GRID2: variants seen among roughly 807,000 people sequenced by gnomAD.
GRID2 encodes glutamate ionotropic receptor delta type subunit 2.
A neutral mutation model predicts 114.8 loss-of-function variants in GRID2; 33 were observed. That is an observed-to-expected ratio of 0.29 (90% CI 0.22 to 0.38). GRID2 has a LOEUF of 0.38. GRID2 is among the 10% of genes least tolerant of loss of function. The probability of loss-of-function intolerance (pLI) is 1.00; values close to 1 mark genes in which losing one functional copy is unlikely to be tolerated. For missense variants in GRID2, 1,184 were observed against 1,257.7 expected (o/e 0.94, Z 0.89); for synonymous variants, 505 against 449.9 (o/e 1.12, Z -1.55).
intron 8 of GRID2, among the ~76,000 whole-genome samples, chr4:93,313,227 C>A (rs1190256965): frequency 6.6e-6 from 1 of 152,048 alleles, no homozygotes; most frequent in Non-Finnish European, 1.5e-5. Flanking sequence ...GATTTCAGAA[C>A]TATACAGCTT....
chr4:92,749,655 T>C (rs1233189650), intron 2 of GRID2, among the ~76,000 whole-genome samples: 1 of 152,146 alleles, frequency 6.6e-6, no homozygotes, highest in Non-Finnish European at 1.5e-5. Flanking sequence ...AGTTCTCTGC[T>C]GAAGCTGAGG....
At chr4:93,320,459 T>C (rs1164588640) in intron 8 of GRID2, among the ~76,000 whole-genome samples, 2 of 152,128 alleles carry the variant, frequency 1.3e-5, no homozygotes, top group Non-Finnish European at 2.9e-5. Flanking sequence ...TCAGAAAAAC[T>C]GAATCAGAAA....
chr4:92,631,330 G>A (rs1227236190), intron 2 of GRID2, among the ~76,000 whole-genome samples: 3 of 152,020 alleles, frequency 2.0e-5, no homozygotes, highest in African/African-American at 4.8e-5. Flanking sequence ...GCTTAGTGCT[G>A]GTTTACTGAG....
At chr4:93,441,736 T>G (rs1411065726) in intron 10 of GRID2, among the ~76,000 whole-genome samples, 1 of 152,016 alleles carries the variant, frequency 6.6e-6, no homozygotes, top group Non-Finnish European at 1.5e-5. Context: ...GACTTACTCT[T>G]GCCTGCCATT....
intron 1 of GRID2, among the ~76,000 whole-genome samples, chr4:92,445,288 T>C (rs1315312316): frequency 1.3e-5 from 2 of 152,194 alleles, no homozygotes; most frequent in African/African-American, 2.4e-5. Flanking sequence ...AATCACAATG[T>C]CGTGCTGCTA....
intron 9 of GRID2, among the ~76,000 whole-genome samples, chr4:93,404,506 A>G (rs1224792354): frequency 1.3e-5 from 2 of 152,120 alleles, no homozygotes; most frequent in Admixed American, 6.6e-5. Context: ...TTTAAACTCT[A>G]TGATTCTGTT....
At chr4:93,036,923 TTAAC>T (rs1724985067) in intron 2 of GRID2, among the ~76,000 whole-genome samples, 1 of 152,158 alleles carries the variant, frequency 6.6e-6, no homozygotes, top group Non-Finnish European at 1.5e-5. Flanking sequence ...AACCCTTCAA[TTAAC>T]TAAATATAAC....
At chr4:92,464,992 T>A (rs1489032959) in intron 1 of GRID2, among the ~76,000 whole-genome samples, 1 of 152,126 alleles carries the variant, frequency 6.6e-6, no homozygotes, top group Admixed American at 6.6e-5. Context: ...CTCTTCACTC[T>A]CTCTCTCTTG....
At chr4:93,712,021 T>C (rs1728528902) in intron 14 of GRID2, among the ~76,000 whole-genome samples, 1 of 152,166 alleles carries the variant, frequency 6.6e-6, no homozygotes, top group African/African-American at 2.4e-5. Flanking sequence ...TTGTTGTTGT[T>C]GTTTTAATAC....
chr4:92,604,977 C>A (rs938329885), intron 2 of GRID2, among the ~76,000 whole-genome samples: 2 of 152,080 alleles, frequency 1.3e-5, no homozygotes, highest in African/African-American at 2.4e-5. Flanking sequence ...TGAGTTCTCG[C>A]AAGATCTGAT....
intron 8 of GRID2, among the ~76,000 whole-genome samples, chr4:93,253,062 A>G (rs1033715387): frequency 1.3e-5 from 2 of 150,694 alleles, no homozygotes; most frequent in Non-Finnish European, 2.9e-5. Context: ...ATCCTGGCTA[A>G]CACGGTGAAA....
intron 2 of GRID2, among the ~76,000 whole-genome samples, chr4:92,682,916 T>A (rs1281713284): frequency 1.3e-5 from 2 of 152,120 alleles, no homozygotes; most frequent in Non-Finnish European, 2.9e-5. Context: ...TGTGGCATCT[T>A]ATGCTTGTAG....
At chr4:93,721,049 A>G (rs1319491188) in intron 14 of GRID2, among the ~76,000 whole-genome samples, 1 of 152,130 alleles carries the variant, frequency 6.6e-6, no homozygotes, top group Non-Finnish European at 1.5e-5. Flanking sequence ...AAAAATTCAG[A>G]TCATTCTAAT....
At chr4:93,106,921 G>T (rs1732292445) in intron 3 of GRID2, among the ~76,000 whole-genome samples, 1 of 152,138 alleles carries the variant, frequency 6.6e-6, no homozygotes, top group Non-Finnish European at 1.5e-5. Context: ...ATTACAATAT[G>T]TTAGACCCTA....
chr4:92,412,636 T>C (rs986560601), intron 1 of GRID2, among the ~76,000 whole-genome samples: 1 of 152,118 alleles, frequency 6.6e-6, no homozygotes, highest in Admixed American at 6.5e-5. Context: ...TTCATTACAC[T>C]CAAATTTCAT....
At chr4:92,713,576 C>T (rs1191935797) in intron 2 of GRID2, among the ~76,000 whole-genome samples, 4 of 140,448 alleles carry the variant, frequency 2.8e-5, no homozygotes, top group African/African-American at 1.1e-4. Context: ...TTTCATGCTG[C>T]TGATAAAGAC....
intron 2 of GRID2, among the ~76,000 whole-genome samples, chr4:93,005,957 C>T (rs1181334188): frequency 1.3e-5 from 2 of 152,010 alleles, no homozygotes; most frequent in Non-Finnish European, 2.9e-5. Context: ...TATTTTTAGT[C>T]TCAGCATATT....
intron 2 of GRID2, among the ~76,000 whole-genome samples, chr4:92,599,753 A>G (rs1422311585): frequency 2.6e-5 from 4 of 151,956 alleles, no homozygotes; most frequent in Non-Finnish European, 4.4e-5. Context: ...CAGGCCATGC[A>G]CCGTGGCTCA....
chr4:93,787,063 C>T (rs747486599), intron 1 of GRID2, among the ~76,000 whole-genome samples: 1 of 151,652 alleles, frequency 6.6e-6, no homozygotes, highest in Non-Finnish European at 1.5e-5. Flanking sequence ...CAGGTTCCTT[C>T]TATCTAGTTG....
Sources: gnomAD v4.1 joint callset for allele counts (sites outside exome capture counted in the v4.1 genomes callset) on GRCh38, gnomAD v4.1.1 for gene constraint, MANE v1.5 for transcripts, NCBI Gene and HGNC (gene_info 2026-07-23, HGNC 2026-07-21) for gene names.